The following FRAS1 variants were observed in gnomAD, a reference collection of about 807,000 sequenced individuals.
The protein encoded by FRAS1 is extracellular matrix organizing protein FRAS1.
In FRAS1, 290 loss-of-function variants were observed where a neutral mutation model predicts 435.2. The observed-to-expected ratio is 0.67, with a 90% CI of 0.61 to 0.73. The LOEUF is 0.73. Among genes scored for constraint, FRAS1 ranks in the 30% least tolerant of loss-of-function variants. The pLI, the probability that FRAS1 is intolerant of heterozygous loss-of-function variation, is 0.00. For synonymous variants in FRAS1, 1,800 were observed against 1,851.0 expected, an observed-to-expected ratio of 0.97 and a Z score of 0.71; for missense variants, 4,860 against 5,001.5, an observed-to-expected ratio of 0.97 and a Z score of 0.85.
chr4:78,447,655 C>A (rs1162829161), intron 43 of FRAS1, among the ~76,000 whole-genome samples: 4 of 152,080 alleles, frequency 2.6e-5, no homozygotes, highest in African/African-American at 7.2e-5. Context: ...GAATTTAAAG[C>A]ATATTCTCAT....
At chr4:78,362,819 C>G (rs977901763) in intron 20 of FRAS1, among the ~76,000 whole-genome samples, 1 of 152,008 alleles carries the variant, frequency 6.6e-6, no homozygotes, top group Non-Finnish European at 1.5e-5. Context: ...CAGGTTGTCT[C>G]TTCCCCAAAG....
intron 2 of FRAS1, among the ~76,000 whole-genome samples, chr4:78,129,195 T>A (rs1309679560): frequency 6.6e-6 from 1 of 152,248 alleles, no homozygotes; most frequent in East Asian, 1.9e-4. Context: ...GCGTGATGCC[T>A]CCAGCTTTGT....
intron 2 of FRAS1, among the ~76,000 whole-genome samples, chr4:78,094,215 C>T (rs1741680438): frequency 1.4e-5 from 2 of 144,460 alleles, no homozygotes; most frequent in South Asian, 4.4e-4. Flanking sequence ...GGCCACACAA[C>T]ATCTCTTGTA....
Position 78,149,693 on chromosome 4 carries a change from C to T in FRAS1, c.108+83677C>T, listed in dbSNP as rs565344511. On this transcript the variant is annotated intron_variant, in intron 2 of 73. Transcript: ENST00000512123. ...GTGGGATTCCATCTTAGGAATATTC[C>T]ATTCTTCATTGATTTTCTCATATAC... Among the ~76,000 whole-genome samples the T allele has an allele frequency of 2.6e-5, 4 of 152,106 alleles. No homozygotes were observed. In the East Asian group the frequency reaches 7.7e-4, roughly 29 times the overall value.
chr4:78,361,413 A>C (rs1731066404), intron 20 of FRAS1, among the ~76,000 whole-genome samples: 1 of 152,244 alleles, frequency 6.6e-6, no homozygotes, highest in Non-Finnish European at 1.5e-5. Flanking sequence ...TAATATTAGC[A>C]AAAGGCTGCT....
At chr4:78,510,496 T>G (rs1720998568) in intron 63 of FRAS1, among the ~76,000 whole-genome samples, 1 of 152,234 alleles carries the variant, frequency 6.6e-6, no homozygotes, top group African/African-American at 2.4e-5. Context: ...CAGTGAAAAT[T>G]GTTTTCATGG....
chr4:78,101,863 CAG>C (rs2109920234), intron 2 of FRAS1, among the ~76,000 whole-genome samples: 1 of 152,270 alleles, frequency 6.6e-6, no homozygotes, highest in East Asian at 1.9e-4. Flanking sequence ...TCCATCGAGG[CAG>C]AGTGTTGACA....
At chr4:78,412,675 A>G (rs1239457779) in intron 31 of FRAS1, among the ~76,000 whole-genome samples, 1 of 152,238 alleles carries the variant, frequency 6.6e-6, no homozygotes, top group Non-Finnish European at 1.5e-5. Flanking sequence ...TAAGTTAAAT[A>G]TCAACATATG....
chr4:78,204,283 C>T (rs376576092), intron 2 of FRAS1, among the ~76,000 whole-genome samples: 11 of 152,180 alleles, frequency 7.2e-5, no homozygotes, highest in East Asian at 3.9e-4. Flanking sequence ...TGTTTTAGAA[C>T]GAAACTACCA....
chr4:78,070,282 C>G (rs1740274511), intron 2 of FRAS1, among the ~76,000 whole-genome samples: 1 of 151,770 alleles, frequency 6.6e-6, no homozygotes, highest in Non-Finnish European at 1.5e-5. Context: ...TATACCTCCC[C>G]CCACTTTGTA....
Position 78,267,382 on chromosome 4 carries a change from G to A in FRAS1, c.931G>A (p.Gly311Ser), listed in dbSNP as rs1328062886. The change falls in exon 9 of 74, where the codon GGC (glycine) becomes AGC (serine). Residue 311 changes from glycine (G) to serine (S), a missense_variant. By Grantham distance (56) the Gly-to-Ser change is moderately conservative. Coordinates refer to ENST00000512123, the MANE Select transcript of FRAS1 (RefSeq NM_025074.7). ...SACEFCMCDH[G>S]QVTCQTGECA... ...CTGTGAGTTCTGCATGTGTGATCAT[G>A]GCCAAGTGACCTGCCAGACTGGAGA... The A allele has an allele frequency of 2.5e-6, 4 of 1,613,940 alleles. No individual in the cohort carries two copies. In the Admixed American group the frequency reaches 6.7e-5, roughly 27 times the overall value.
At chr4:78,471,695 G>A (rs12508863) in intron 51 of FRAS1, among the ~76,000 whole-genome samples, 49,752 of 152,058 alleles carry the variant, frequency 0.33, 8,869 homozygotes, top group Admixed American at 0.41. Context: ...TTCAGCCAGT[G>A]TATTTGGGCA....
intron 50 of FRAS1, among the ~76,000 whole-genome samples, chr4:78,467,369 C>T (rs1480075877): frequency 6.6e-6 from 1 of 152,106 alleles, no homozygotes; most frequent in Admixed American, 6.5e-5. Flanking sequence ...GAATGGCCTC[C>T]CGTTCTATAC....
chr4:78,153,469 G>A (rs1391647425), intron 2 of FRAS1, among the ~76,000 whole-genome samples: 1 of 152,142 alleles, frequency 6.6e-6, no homozygotes, highest in Non-Finnish European at 1.5e-5. Flanking sequence ...ATTCTTATTT[G>A]ATGGATTCAG....
intron 14 of FRAS1, among the ~76,000 whole-genome samples, chr4:78,297,621 G>A (rs73827959): frequency 0.014 from 2,081 of 152,256 alleles, 52 homozygotes; most frequent in African/African-American, 0.047. Context: ...GTCTGGTTAT[G>A]CTCCAGAAAA....
chr4:78,213,334 C>T (rs542241070), intron 2 of FRAS1, among the ~76,000 whole-genome samples: 9 of 152,392 alleles, frequency 5.9e-5, no homozygotes, highest in Non-Finnish European at 8.8e-5. Context: ...CTCCTTCTGT[C>T]GTTCCTTCAA....
chr4:78,305,001 T>C (rs1728634248), intron 14 of FRAS1, among the ~76,000 whole-genome samples: 3 of 152,346 alleles, frequency 2.0e-5, no homozygotes, highest in African/African-American at 7.2e-5. Context: ...GGGCATTTAG[T>C]GCTGTAAATT....
chr4:78,409,780 G>A (rs1163431058), intron 31 of FRAS1, among the ~76,000 whole-genome samples: 1 of 152,202 alleles, frequency 6.6e-6, no homozygotes, highest in Non-Finnish European at 1.5e-5. Context: ...GCCTCTCAAA[G>A]TCTGAGTCTT....
chr4:78,227,912 A>T (rs945360529), intron 2 of FRAS1, among the ~76,000 whole-genome samples: 1 of 152,188 alleles, frequency 6.6e-6, no homozygotes, highest in African/African-American at 2.4e-5. Flanking sequence ...AAATTTGAGA[A>T]TATATGCCCA....
Sources: allele counts gnomAD v4.1 joint callset (sites outside exome capture counted in the v4.1 genomes callset), GRCh38; gene constraint gnomAD v4.1.1; transcripts MANE v1.5; gene names NCBI Gene and HGNC (gene_info 2026-07-23, HGNC 2026-07-21).